ACOXL: variants seen among roughly 807,000 people sequenced by gnomAD.
The protein encoded by ACOXL is acyl-CoA oxidase like.
ACOXL carries 70 observed loss-of-function variants against 71.9 expected under a neutral mutation model. The observed-to-expected ratio is 0.97, with a 90% CI of 0.80 to 1.19. The LOEUF is 1.19. Ranked by LOEUF, ACOXL falls within the 50% of genes most tolerant of loss-of-function variation. The pLI is 0.00. For missense variants in ACOXL, 703 were observed against 736.3 expected, an observed-to-expected ratio of 0.95 and a Z score of 0.52; for synonymous variants, 253 against 281.6, an observed-to-expected ratio of 0.90 and a Z score of 1.02.
chr2:110,787,163 A>G (rs1684063272), intron 3 of ACOXL, among the ~76,000 whole-genome samples: 1 of 152,122 alleles, frequency 6.6e-6, no homozygotes, highest in Admixed American at 6.5e-5. Context: ...GAATTTTTCC[A>G]TAATAAAATT....
chr2:110,928,285 C>G (rs1438148745), intron 11 of ACOXL, among the ~76,000 whole-genome samples: 1 of 152,228 alleles, frequency 6.6e-6, no homozygotes, highest in Non-Finnish European at 1.5e-5. Context: ...TGTCTCAAGA[C>G]AAATCAACGG....
intron 9 of ACOXL, among the ~76,000 whole-genome samples, chr2:110,815,389 T>G (rs945533322): frequency 5.3e-5 from 8 of 152,258 alleles, no homozygotes; most frequent in Non-Finnish European, 1.2e-4. Context: ...GTCTATTGTA[T>G]GAAATCTATT....
At chr2:110,935,113 G>A (rs542257745) in intron 12 of ACOXL, among the ~76,000 whole-genome samples, 3 of 152,058 alleles carry the variant, frequency 2.0e-5, no homozygotes, top group Non-Finnish European at 4.4e-5. Context: ...CAGGTGGGGG[G>A]TATGACCTGA....
intron 16 of ACOXL, among the ~76,000 whole-genome samples, chr2:111,079,657 T>A (rs1466334019): frequency 6.6e-6 from 1 of 152,202 alleles, no homozygotes; most frequent in Non-Finnish European, 1.5e-5. Flanking sequence ...AATTCTGATC[T>A]TCTTCCCTAA....
At chr2:110,930,662 T>C (rs115213149) in intron 11 of ACOXL, among the ~76,000 whole-genome samples, 6,253 of 152,226 alleles carry the variant, frequency 0.041, 187 homozygotes, top group Admixed American at 0.086. Flanking sequence ...TAATTCCATG[T>C]GTTGTGGGAA....
intron 12 of ACOXL, among the ~76,000 whole-genome samples, chr2:110,934,165 A>G (rs941162002): frequency 1.3e-5 from 2 of 152,214 alleles, no homozygotes; most frequent in African/African-American, 4.8e-5. Context: ...CTCTGAGAGC[A>G]GCTGGATCTG....
chr2:111,006,370 A>G (rs548300822), intron 14 of ACOXL, among the ~76,000 whole-genome samples: 1 of 152,326 alleles, frequency 6.6e-6, no homozygotes, highest in South Asian at 2.1e-4. Flanking sequence ...GTAGAAAGCT[A>G]TGCGTGATGG....
intron 9 of ACOXL, among the ~76,000 whole-genome samples, chr2:110,809,319 T>C (rs1387542741): frequency 6.6e-6 from 1 of 152,180 alleles, no homozygotes; most frequent in Non-Finnish European, 1.5e-5. Context: ...TCTGGGAGTG[T>C]GCCCAGGGCT....
intron 1 of ACOXL, among the ~76,000 whole-genome samples, chr2:110,750,948 G>A (rs1573331157): frequency 1.3e-5 from 2 of 152,070 alleles, no homozygotes; most frequent in African/African-American, 2.4e-5. Flanking sequence ...GCCTCCCAAA[G>A]TTCTGGGATT....
At chr2:110,935,762 A>G (rs1011857535) in intron 12 of ACOXL, among the ~76,000 whole-genome samples, 3 of 151,824 alleles carry the variant, frequency 2.0e-5, no homozygotes, top group Admixed American at 6.6e-5. Flanking sequence ...TTCTCTGTGG[A>G]CACTAACAGG....
At position 111,031,683 on chromosome 2, in the gene ACOXL, G is replaced by A; in HGVS notation, c.1338G>A (p.Val446=). The change falls in exon 15 of 18, where the codon GTG becomes GTA. Residue 446 remains valine, a synonymous_variant. Coordinates refer to ENST00000439055, the MANE Select transcript of ACOXL (RefSeq NM_001142807.4). ...CCTGGAACTCGTGTCTGCACCACGT[G>A]GCTTCTCTGTCCCTGGCACACACTC... The part of the protein sequence containing the change: ...FHAWNSCLHH[V]ASLSLAHTHR... 1.2e-6 allele frequency: 2 copies of A among 1,614,158 alleles called. No homozygotes were observed. Among genetic ancestry groups the A allele is most frequent in the Non-Finnish European group, 1.7e-6 (2 of 1,180,032 alleles).
At chr2:110,912,773 G>C (rs1425949001) in intron 11 of ACOXL, among the ~76,000 whole-genome samples, 1 of 152,104 alleles carries the variant, frequency 6.6e-6, no homozygotes, top group East Asian at 1.9e-4. Flanking sequence ...AGAGGTAAAA[G>C]ATTTTTTGTG....
chr2:110,811,199 A>T (rs982037225), intron 9 of ACOXL, among the ~76,000 whole-genome samples: 1 of 152,212 alleles, frequency 6.6e-6, no homozygotes, highest in Admixed American at 6.5e-5. Context: ...ACTTCACAGA[A>T]ACTCCTCAGG....
intron 1 of ACOXL, among the ~76,000 whole-genome samples, chr2:110,753,078 C>T (rs969900159): frequency 6.6e-6 from 1 of 152,112 alleles, no homozygotes; most frequent in Non-Finnish European, 1.5e-5. Flanking sequence ...GTGCTGACCT[C>T]CTGCTGGTGG....
chr2:111,093,526 C>T, intron 17 of ACOXL: 1 of 1,613,976 alleles, frequency 6.2e-7, no homozygotes, highest in Non-Finnish European at 8.5e-7. Context: ...GACTCAGTCT[C>T]CACATGAAGG....
chr2:110,886,670 C>A, intron 10 of ACOXL: 2 of 1,377,450 alleles, frequency 1.5e-6, no homozygotes, highest in Non-Finnish European at 2.0e-6. Context: ...TGAGCCACTG[C>A]GTCTGTCCCT....
chr2:110,755,597 A>G (rs1014274331), intron 1 of ACOXL, among the ~76,000 whole-genome samples: 9 of 152,246 alleles, frequency 5.9e-5, no homozygotes, highest in Admixed American at 2.0e-4. Context: ...TATTATTATT[A>G]TGATAAACCG....
chr2:111,031,985 G>A (rs775845775), intron 15 of ACOXL, among the ~76,000 whole-genome samples: 2 of 152,290 alleles, frequency 1.3e-5, no homozygotes, highest in South Asian at 2.1e-4. Context: ...ACAATCACAC[G>A]AAGCACTTGA....
intron 13 of ACOXL, among the ~76,000 whole-genome samples, chr2:110,995,499 CA>C (rs567318996): frequency 1.0e-4 from 7 of 67,292 alleles, no homozygotes; most frequent in Admixed American, 4.6e-4. Flanking sequence ...GACTCTGTCT[CA>C]AAAAAAAAAA....
Sources: allele counts gnomAD v4.1 joint callset (sites outside exome capture counted in the v4.1 genomes callset), GRCh38; gene constraint gnomAD v4.1.1; transcripts MANE v1.5; gene names NCBI Gene and HGNC (gene_info 2026-07-23, HGNC 2026-07-21).